GRID2: variants seen among roughly 807,000 people sequenced by gnomAD.
GRID2 encodes glutamate ionotropic receptor delta type subunit 2, also known as glutamate receptor ionotropic, delta-2.
Under a neutral mutation model 114.8 loss-of-function variants are expected in GRID2, and 33 were observed. The observed-to-expected ratio is 0.29, with a 90% CI of 0.22 to 0.38. The LOEUF (loss-of-function observed/expected upper bound fraction) is 0.38, where lower values mean the gene tolerates loss of function less well. Among genes scored for constraint, GRID2 ranks in the 10% least tolerant of loss-of-function variants. GRID2 has a pLI of 1.00. For missense variants in GRID2, 1,184 were observed against 1,257.7 expected (o/e 0.94, Z 0.89); for synonymous variants, 505 against 449.9 (o/e 1.12, Z -1.55).
At chr4:92,433,628 A>G (rs1258566925) in intron 1 of GRID2, among the ~76,000 whole-genome samples, 2 of 152,186 alleles carry the variant, frequency 1.3e-5, no homozygotes, top group African/African-American at 4.8e-5. Flanking sequence ...TAGCAATTCA[A>G]GACTGTCTTT....
intron 4 of GRID2, among the ~76,000 whole-genome samples, chr4:93,162,455 G>A (rs1418226091): frequency 6.6e-6 from 1 of 151,828 alleles, no homozygotes; most frequent in Admixed American, 6.6e-5. Context: ...GCCTGTGTTA[G>A]CGAGGAATAA....
At chr4:92,766,216 A>T (rs1264104644) in intron 2 of GRID2, among the ~76,000 whole-genome samples, 1 of 152,186 alleles carries the variant, frequency 6.6e-6, no homozygotes, top group African/African-American at 2.4e-5. Context: ...TTCTTTTTGA[A>T]GACCTGGTAG....
chr4:92,363,269 T>C (rs1728700383), intron 1 of GRID2, among the ~76,000 whole-genome samples: 1 of 152,084 alleles, frequency 6.6e-6, no homozygotes, highest in Admixed American at 6.6e-5. Flanking sequence ...AAGCATATCT[T>C]TGGAAGTCTT....
At chr4:93,560,722 C>T (rs774271976) in intron 13 of GRID2, among the ~76,000 whole-genome samples, 7 of 152,052 alleles carry the variant, frequency 4.6e-5, no homozygotes, top group Non-Finnish European at 7.4e-5. Context: ...TCAAGCAGTC[C>T]TCCCAACTTG....
intron 2 of GRID2, among the ~76,000 whole-genome samples, chr4:92,831,299 C>T (rs1742082497): frequency 6.6e-6 from 1 of 152,124 alleles, no homozygotes; most frequent in African/African-American, 2.4e-5. Flanking sequence ...AGTGAGTATG[C>T]TTCACAGAAA....
intron 8 of GRID2, among the ~76,000 whole-genome samples, chr4:93,332,934 TA>T (rs1378687599): frequency 1.3e-5 from 2 of 152,160 alleles, no homozygotes; most frequent in Non-Finnish European, 2.9e-5. Context: ...CCACCAGTCA[TA>T]ACTAAATGTA....
Position 93,012,259 on chromosome 4 carries a change from T to C in GRID2, c.245-72736T>C, listed in dbSNP as rs1461529515. ...TTTTTGCACTTCCCTCTTTGCCCTC[T>C]CTTCGTTTTGTCTCTCCTTCAAATC... On this transcript the variant is annotated intron_variant, in intron 2 of 15. Transcript: ENST00000282020. Among the ~76,000 whole-genome samples the C allele has an allele frequency of 1.2e-4, 18 of 152,062 alleles. 1 individual carries two copies. The highest frequency in any genetic ancestry group is 5.9e-5 in the Non-Finnish European group (4 of 68,006).
At chr4:92,784,528 T>TA (rs1282770507) in intron 2 of GRID2, among the ~76,000 whole-genome samples, 1 of 151,882 alleles carries the variant, frequency 6.6e-6, no homozygotes, top group Non-Finnish European at 1.5e-5. Context: ...AAGATTCTGG[T>TA]AAAATTAAAT....
intron 1 of GRID2, among the ~76,000 whole-genome samples, chr4:92,509,372 C>A (rs1724128595): frequency 6.6e-6 from 1 of 151,936 alleles, no homozygotes; most frequent in Non-Finnish European, 1.5e-5. Context: ...ATCTCTGGAT[C>A]TTAATCAGCA....
intron 14 of GRID2, among the ~76,000 whole-genome samples, chr4:93,677,357 C>T (rs369404290): frequency 6.6e-6 from 1 of 152,166 alleles, no homozygotes; most frequent in African/African-American, 2.4e-5. Context: ...GCAGGGCACA[C>T]ACAAACAAAA....
At chr4:93,133,950 C>T (rs2149378451) in intron 4 of GRID2, among the ~76,000 whole-genome samples, 1 of 152,258 alleles carries the variant, frequency 6.6e-6, no homozygotes, top group African/African-American at 2.4e-5. Context: ...ATTTGCTTCA[C>T]ATAGCAACTG....
chr4:93,131,145 A>ATTTTTTTTTTTTTTTTT lies in GRID2; in HGVS notation c.735+20200_735+20216dup, dbSNP rs34215461. On this transcript the variant is annotated intron_variant, in intron 4 of 15. Transcript: ENST00000282020. ...AGAACTTCCATGAAAAGATTAAATA[A>ATTTTTTTTTTTTTTTTT]TTTTTTTTTTTTTTTTTTTTTTTTG... Among the ~76,000 whole-genome samples, 193 of 88,734 alleles carry ATTTTTTTTTTTTTTTTT rather than the reference A, an allele frequency of 2.2e-3. 7 individuals are homozygous for ATTTTTTTTTTTTTTTTT. Among genetic ancestry groups the ATTTTTTTTTTTTTTTTT allele is most frequent in the Middle Eastern group, 0.016 (2 of 126 alleles). The allele number at this position is 88,734 out of a possible 152,430, so 58.2% of individuals were successfully genotyped here.
intron 1 of GRID2, among the ~76,000 whole-genome samples, chr4:92,358,395 A>G (rs1311995408): frequency 6.6e-6 from 1 of 151,984 alleles, no homozygotes; most frequent in Admixed American, 6.6e-5. Flanking sequence ...AAGCTTAGCT[A>G]TATGAGTATC....
chr4:93,778,632 A>C (rs1277219756), downstream of GRID2, among the ~76,000 whole-genome samples: 1 of 152,146 alleles, frequency 6.6e-6, no homozygotes. Flanking sequence ...CCCGGACCTC[A>C]CATGATCTGC....
intron 1 of GRID2, among the ~76,000 whole-genome samples, chr4:92,518,112 T>A (rs1288502659): frequency 9.2e-5 from 14 of 151,770 alleles, no homozygotes; most frequent in Non-Finnish European, 1.9e-4. Context: ...CCTCCCATCT[T>A]CTCTCTCTTT....
intron 8 of GRID2, among the ~76,000 whole-genome samples, chr4:93,363,374 C>A (rs1485293075): frequency 6.6e-6 from 1 of 152,096 alleles, no homozygotes; most frequent in Non-Finnish European, 1.5e-5. Context: ...CAATCCCAGC[C>A]CTCGATGTGG....
At chr4:92,933,980 C>T (rs780275667) in intron 2 of GRID2, among the ~76,000 whole-genome samples, 2 of 151,584 alleles carry the variant, frequency 1.3e-5, no homozygotes, top group Non-Finnish European at 3.0e-5. Context: ...AAATATAATA[C>T]TTAAACACTC....
chr4:92,678,971 C>CT (rs35349895), intron 2 of GRID2, among the ~76,000 whole-genome samples: 5,252 of 138,678 alleles, frequency 0.038, 98 homozygotes, highest in Non-Finnish European at 0.045. Context: ...CTGCAAATAG[C>CT]TTTTTTTTTT....
intron 2 of GRID2, among the ~76,000 whole-genome samples, chr4:92,886,183 C>G (rs1172083017): frequency 1.3e-5 from 2 of 152,082 alleles, no homozygotes; most frequent in Non-Finnish European, 2.9e-5. Flanking sequence ...GTGGGTGGAG[C>G]AGCCAGAACC....
Sources: allele counts gnomAD v4.1 joint callset (sites outside exome capture counted in the v4.1 genomes callset), GRCh38; gene constraint gnomAD v4.1.1; transcripts MANE v1.5; gene names NCBI Gene and HGNC (gene_info 2026-07-23, HGNC 2026-07-21).